PUDP: variants seen among roughly 807,000 people sequenced by gnomAD.
PUDP encodes the protein pseudouridine 5'-phosphatase, also known as pseudouridine-5'-phosphatase.
In PUDP, 8 loss-of-function variants were observed where a neutral mutation model predicts 9.4. The observed-to-expected ratio is 0.85, with a 90% CI of 0.50 to 1.53. The LOEUF (loss-of-function observed/expected upper bound fraction) is 1.53. PUDP is among the 40% of genes most tolerant of loss of function. The pLI, the probability that PUDP is intolerant of heterozygous loss-of-function variation, is 0.00. For synonymous variants in PUDP, 99 were observed against 80.7 expected, an observed-to-expected ratio of 1.23 and a Z score of -1.22; for missense variants, 188 against 189.7, an observed-to-expected ratio of 0.99 and a Z score of 0.05.
At position 6,821,826 on chromosome X, in the gene PUDP, G is replaced by C. The variant is rs144202183; in HGVS notation, c.*248-115360C>G. Among the ~76,000 whole-genome samples, 199 of 111,917 alleles carry C rather than the reference G, an allele frequency of 1.8e-3. 3 individuals carry two copies. In the East Asian group the frequency reaches 0.049, roughly 27 times the overall value. ...CAGGGGTGTTCAGCATGGAGCCTCC[G>C]TCTTCCCTTTTCTTTTCACCACGTG... On this transcript the variant is annotated intron_variant and NMD_transcript_variant, in intron 3 of 3. Coordinates refer to the PUDP transcript ENST00000655425.
intron 1 of PUDP, among the ~76,000 whole-genome samples, chrX:6,707,196 C>T (rs1397070313): frequency 9.0e-6 from 1 of 111,010 alleles, no homozygotes; most frequent in Non-Finnish European, 1.9e-5. Context: ...ACTAGAGGGT[C>T]CTTCACTAGT....
intron 1 of PUDP, among the ~76,000 whole-genome samples, chrX:7,026,542 T>C (rs1929712989): frequency 8.9e-6 from 1 of 111,974 alleles, no homozygotes; most frequent in Non-Finnish European, 1.9e-5. Flanking sequence ...CCTTTCTTGA[T>C]CTTGTCCATG....
At chrX:6,915,199 C>G (rs1927911423) in intron 3 of PUDP, among the ~76,000 whole-genome samples, 1 of 112,258 alleles carries the variant, frequency 8.9e-6, no homozygotes, top group African/African-American at 3.2e-5. Context: ...TTTCTAAAAA[C>G]TGCCTTTATG....
chrX:7,107,252 A>G (rs1252271305), intron 1 of PUDP, among the ~76,000 whole-genome samples: 1 of 112,235 alleles, frequency 8.9e-6, no homozygotes, highest in Non-Finnish European at 1.9e-5. Context: ...TGAAAAGAGC[A>G]GGCGATCTCA....
chrX:6,733,061 C>T (rs766773915), intron 3 of PUDP, among the ~76,000 whole-genome samples: 9 of 112,342 alleles, frequency 8.0e-5, no homozygotes, highest in Non-Finnish European at 1.3e-4. Flanking sequence ...TGAGAAGGGG[C>T]ATGGATTGAG....
chrX:6,777,375 T>A (rs974404155), intron 3 of PUDP, among the ~76,000 whole-genome samples: 4 of 111,912 alleles, frequency 3.6e-5, no homozygotes, highest in Non-Finnish European at 7.5e-5. Flanking sequence ...GCTCAGTGCT[T>A]TGAAAAGTTC....
At chrX:6,746,441 T>C (rs1435762330) in intron 3 of PUDP, among the ~76,000 whole-genome samples, 1 of 112,058 alleles carries the variant, frequency 8.9e-6, no homozygotes, top group Non-Finnish European at 1.9e-5. Context: ...GGGGCACATG[T>C]GGAAGTCGTG....
In PUDP at chrX:6,960,980, G is replaced by C. The variant is rs144826881; in HGVS notation, c.*247+16153C>G. Among the ~76,000 whole-genome samples, 409 of 112,040 alleles carry C rather than the reference G, an allele frequency of 3.7e-3. 3 individuals carry two copies. The highest frequency in any genetic ancestry group is 0.013 in the African/African-American group (397 of 30,889). On this transcript the variant is annotated intron_variant and NMD_transcript_variant, in intron 3 of 3. Coordinates refer to the PUDP transcript ENST00000655425. ...ATGAAGCTTTTTTTTACAAAAACAA[G>C]ATGTGGGCTGGATCTGGATTCCACA...
chrX:7,102,806 T>C (rs1602785979), intron 2 of PUDP, among the ~76,000 whole-genome samples: 1 of 111,021 alleles, frequency 9.0e-6, no homozygotes, highest in Non-Finnish European at 1.9e-5. Context: ...ATGAACAAGT[T>C]GAACAGAAAA....
chrX:6,790,831 T>C (rs1376990851), intron 3 of PUDP, among the ~76,000 whole-genome samples: 2 of 112,152 alleles, frequency 1.8e-5, no homozygotes, highest in African/African-American at 6.5e-5. Context: ...TACATCTCCA[T>C]AGGGACCTGA....
At chrX:6,862,011 AC>A (rs1927009779) in intron 3 of PUDP, among the ~76,000 whole-genome samples, 1 of 111,466 alleles carries the variant, frequency 9.0e-6, no homozygotes, top group African/African-American at 3.3e-5. Context: ...CTTGCTGTGA[AC>A]CCTCTAGTGC....
chrX:7,103,526 CAGGTAACAAGAGCAAAATTAGACAAATG>C (rs1362682384), intron 2 of PUDP, among the ~76,000 whole-genome samples: 10 of 112,203 alleles, frequency 8.9e-5, no homozygotes, highest in Admixed American at 4.7e-4. Context: ...ACCAAAAGCA[CAGGTAACAAGAGCAAAATTAGACAAATG>C]AGATGACATA....
At chrX:6,826,765 T>C (rs1167198661) in intron 3 of PUDP, among the ~76,000 whole-genome samples, 1 of 112,037 alleles carries the variant, frequency 8.9e-6, no homozygotes, top group Non-Finnish European at 1.9e-5. Context: ...CATCACTCAT[T>C]CTTGATTTTC....
intron 3 of PUDP, among the ~76,000 whole-genome samples, chrX:6,778,287 C>T (rs6529982): frequency 0.18 from 20,498 of 111,514 alleles, 1,976 homozygotes; most frequent in African/African-American, 0.37. Flanking sequence ...TGGAAACACC[C>T]TCTATCTGGA....
chrX:7,071,775 C>CCA (rs1930739228), intron 3 of PUDP, among the ~76,000 whole-genome samples: 1 of 61,395 alleles, frequency 1.6e-5, no homozygotes, highest in African/African-American at 5.9e-5. Context: ...AATGTACTCT[C>CCA]TATTTTTTTT....
At chrX:7,074,778 G>A (rs1344265301) in intron 3 of PUDP, among the ~76,000 whole-genome samples, 1 of 112,382 alleles carries the variant, frequency 8.9e-6, no homozygotes, top group Non-Finnish European at 1.9e-5. Context: ...GTAACAGGGT[G>A]CCAAGCATGC....
intron 3 of PUDP, among the ~76,000 whole-genome samples, chrX:7,053,483 T>C (rs1045091305): frequency 1.1e-4 from 12 of 111,751 alleles, no homozygotes; most frequent in Middle Eastern, 4.6e-3. Context: ...CCCCATACTA[T>C]TCTCATGGTA....
rs190735926 is a variant in PUDP at position 6,772,109 on chromosome X, C to T, written c.*248-65643G>A. ...TTTTTAAAAAACGTTTGGGGCAATG[C>T]CTTGTATCCTAATCACAGTGCACAT... On this transcript the variant is annotated intron_variant and NMD_transcript_variant, in intron 3 of 3. Coordinates refer to the PUDP transcript ENST00000655425. Among the ~76,000 whole-genome samples, 16 of 112,020 alleles carry T rather than the reference C, an allele frequency of 1.4e-4. No individual in the cohort carries two copies. In the Admixed American group the frequency reaches 1.5e-3, roughly 11 times the overall value.
rs145074685 is a variant in PUDP at position 6,870,679 on chromosome X, T to C, written c.*247+106454A>G. Among the ~76,000 whole-genome samples, 1,076 of 112,750 alleles carry C rather than the reference T, an allele frequency of 9.5e-3. 9 individuals are homozygous for C. Among genetic ancestry groups the C allele is most frequent in the African/African-American group, 0.032 (987 of 31,060 alleles). On this transcript the variant is annotated intron_variant and NMD_transcript_variant, in intron 3 of 3. Coordinates refer to the PUDP transcript ENST00000655425. ...TGACGATGGTAAATTTTATGTTATG[T>C]GTATTTTACAACAATTAAAAATTAT...
Sources: allele counts gnomAD v4.1 joint callset (sites outside exome capture counted in the v4.1 genomes callset), GRCh38; gene constraint gnomAD v4.1.1; transcripts MANE v1.5; gene names NCBI Gene and HGNC (gene_info 2026-07-23, HGNC 2026-07-21).